EXOC4: variants seen among roughly 807,000 people sequenced by gnomAD.
EXOC4 encodes the protein SEC8-like 1.
A neutral mutation model predicts 107.2 loss-of-function variants in EXOC4; 71 were observed. That is an observed-to-expected ratio of 0.66 (90% confidence interval 0.55 to 0.81). The LOEUF (loss-of-function observed/expected upper bound fraction) is 0.81. EXOC4 is among the 30% of genes least tolerant of loss of function. The probability of loss-of-function intolerance (pLI) is 0.00; values close to 1 mark genes in which losing one functional copy is unlikely to be tolerated. For synonymous variants in EXOC4, 456 were observed against 441.2 expected, an observed-to-expected ratio of 1.03 and a Z score of -0.42; for missense variants, 1,108 against 1,189.6, an observed-to-expected ratio of 0.93 and a Z score of 1.01.
At chr7:133,479,614 T>G (rs1181894636) in intron 8 of EXOC4, 1 of 167,272 alleles carries the variant, frequency 6.0e-6, no homozygotes, top group Admixed American at 5.7e-5. Context: ...AAGTTAGGCA[T>G]GAGTTCTGCT....
At chr7:133,785,854 A>C (rs571046390) in intron 10 of EXOC4, among the ~76,000 whole-genome samples, 1 of 151,972 alleles carries the variant, frequency 6.6e-6, no homozygotes, top group South Asian at 2.1e-4. Context: ...TTGTATTTTT[A>C]ATAGAGATGG....
intron 11 of EXOC4, among the ~76,000 whole-genome samples, chr7:133,846,721 A>C (rs1798135867): frequency 6.6e-6 from 1 of 152,222 alleles, no homozygotes; most frequent in Non-Finnish European, 1.5e-5. Flanking sequence ...CATATATATA[A>C]GTGAATGCAT....
intron 10 of EXOC4, among the ~76,000 whole-genome samples, chr7:133,789,502 G>T (rs1796659604): frequency 6.6e-6 from 1 of 152,190 alleles, no homozygotes; most frequent in African/African-American, 2.4e-5. Context: ...ATTACCATTT[G>T]ATGGTAGAAT....
rs1000518934 is a variant in EXOC4, at chr7:133,270,204, G to T, written c.87-4778G>T. On this transcript the variant is annotated intron_variant, in intron 1 of 17. Coordinates refer to ENST00000253861, the MANE Select transcript of EXOC4 (RefSeq NM_021807.4). ...TTTCACCTTCTGCCATGATTATGAG[G>T]CCTCCCCAGCCATGTGGAATTGTAA... Among the ~76,000 whole-genome samples, 3 of 152,060 alleles carry T rather than the reference G, an allele frequency of 2.0e-5. No homozygotes were observed. The East Asian group carries it at 5.8e-4, about 29-fold the overall frequency.
intron 2 of EXOC4, among the ~76,000 whole-genome samples, chr7:133,287,189 T>C (rs374250820): frequency 1.3e-5 from 2 of 152,174 alleles, no homozygotes; most frequent in African/African-American, 4.8e-5. Flanking sequence ...CTTCAAAAAA[T>C]TTCTTTGGTA....
At chr7:133,883,517 C>T (rs1373593875) in intron 11 of EXOC4, among the ~76,000 whole-genome samples, 4 of 151,568 alleles carry the variant, frequency 2.6e-5, no homozygotes, top group Admixed American at 6.6e-5. Context: ...GTGGCCTCTG[C>T]CTGTAGTCTC....
At chr7:133,697,336 A>C (rs1040441402) in intron 10 of EXOC4, among the ~76,000 whole-genome samples, 11 of 152,188 alleles carry the variant, frequency 7.2e-5, no homozygotes, top group Non-Finnish European at 1.3e-4. Context: ...AGTTTAAGGA[A>C]TGGGAAGGCA....
rs2151241488 is a variant in EXOC4, at chr7:133,834,384, T to A, written c.1734+16840T>A. On this transcript the variant is annotated intron_variant, in intron 11 of 17. Transcript: ENST00000253861. The stretch of plus-strand genomic sequence containing the variant: ...AAGTGCCCACCTTATCTTAAAAAAA[T>A]CAAATGTTTAGCCAACCGGGATTAG... 2.6e-5 allele frequency among the ~76,000 whole-genome samples: 4 copies of A among 152,244 alleles called. No homozygotes were observed. In the Middle Eastern group the frequency reaches 0.01, roughly 388 times the overall value.
chr7:133,601,140 G>A (rs576251068), intron 9 of EXOC4, among the ~76,000 whole-genome samples: 40 of 152,000 alleles, frequency 2.6e-4, no homozygotes, highest in African/African-American at 9.2e-4. Flanking sequence ...TATTCTTTTC[G>A]TAGACCTCTT....
chr7:133,268,484 A>G (rs796169905), intron 1 of EXOC4, among the ~76,000 whole-genome samples: 5 of 152,304 alleles, frequency 3.3e-5, no homozygotes, highest in African/African-American at 1.2e-4. Flanking sequence ...CTTTAAGAAC[A>G]ATACTGACTT....
chr7:133,967,472 C>T (rs1399662955), intron 14 of EXOC4, among the ~76,000 whole-genome samples: 1 of 152,148 alleles, frequency 6.6e-6, no homozygotes, highest in East Asian at 1.9e-4. Context: ...TGTAGTGCTA[C>T]AAATTTCCCT....
chr7:133,652,559 A>C (rs1803187401), intron 10 of EXOC4, among the ~76,000 whole-genome samples: 3 of 152,210 alleles, frequency 2.0e-5, no homozygotes, highest in South Asian at 2.1e-4. Flanking sequence ...ATAAAGAAGA[A>C]AGACAAAGAC....
At chr7:133,603,536 T>C (rs1369899951) in intron 9 of EXOC4, among the ~76,000 whole-genome samples, 1 of 152,254 alleles carries the variant, frequency 6.6e-6, no homozygotes, top group Non-Finnish European at 1.5e-5. Flanking sequence ...GTTTATGATA[T>C]GCCTGCTGCT....
chr7:133,769,998 A>G (rs1796213007), intron 10 of EXOC4, among the ~76,000 whole-genome samples: 1 of 151,898 alleles, frequency 6.6e-6, no homozygotes. Flanking sequence ...TAATCAAATT[A>G]TGTATTAGGA....
At chr7:133,440,507 G>C (rs771195600) in intron 7 of EXOC4, among the ~76,000 whole-genome samples, 2 of 152,142 alleles carry the variant, frequency 1.3e-5, no homozygotes, top group African/African-American at 2.4e-5. Context: ...CTTGGGTAAG[G>C]GCTGGGTAAA....
Position 134,018,815 on chromosome 7 carries a change from C to T in EXOC4, c.2687+10980C>T, listed in dbSNP as rs76390869. ...ATTTGGTTTCTGGGTGGTTTTCCCC[C>T]TTTTACTTCTCTGTAATAGACTACC... On this transcript the variant is annotated intron_variant, in intron 17 of 17. Coordinates refer to ENST00000253861, the MANE Select transcript of EXOC4 (RefSeq NM_021807.4). Among the ~76,000 whole-genome samples the T allele has an allele frequency of 5.7e-3, 870 of 151,924 alleles. 10 individuals carry two copies. Among genetic ancestry groups the T allele is most frequent in the African/African-American group, 0.02 (817 of 41,422 alleles).
At chr7:133,388,495 C>G (rs753517742) in intron 7 of EXOC4, among the ~76,000 whole-genome samples, 1 of 151,886 alleles carries the variant, frequency 6.6e-6, no homozygotes, top group Non-Finnish European at 1.5e-5. Flanking sequence ...ACTAAAAGTA[C>G]AAAAATTAGC....
intron 9 of EXOC4, among the ~76,000 whole-genome samples, chr7:133,537,296 A>ACCCCC (rs373040586): frequency 1.2e-4 from 15 of 128,106 alleles, no homozygotes; most frequent in African/African-American, 4.4e-4. Context: ...GATTACAGGC[A>ACCCCC]CCCCCCCCCC....
chr7:133,363,375 CT>C (rs1478039455), intron 6 of EXOC4, among the ~76,000 whole-genome samples: 6 of 152,086 alleles, frequency 3.9e-5, no homozygotes. Flanking sequence ...AGTCTATATA[CT>C]TTCTAGTAAG....
Sources: gnomAD v4.1 joint callset for allele counts (sites outside exome capture counted in the v4.1 genomes callset) on GRCh38, gnomAD v4.1.1 for gene constraint, MANE v1.5 for transcripts, NCBI Gene and HGNC (gene_info 2026-07-23, HGNC 2026-07-21) for gene names.